Variants in OLFML3 observed in about 807,000 individuals in gnomAD.
OLFML3 encodes olfactomedin like 3.
A neutral mutation model predicts 36.0 loss-of-function variants in OLFML3; 26 were observed. The ratio of observed to expected loss-of-function variants is 0.72; its 90% CI spans 0.53 to 1.00. The LOEUF (loss-of-function observed/expected upper bound fraction) is 1.00. OLFML3 is among the 50% of genes least tolerant of loss of function. OLFML3 has a pLI of 0.00. For synonymous variants in OLFML3, 184 were observed against 201.2 expected (o/e 0.91, Z 0.72); for missense variants, 503 against 519.4 (o/e 0.97, Z 0.31).
In OLFML3 at chr1:113,981,768, G is replaced by A. The variant is rs1181122561; in HGVS notation, c.1220G>A (p.Ter407=). The change falls in exon 3 of 3, where the codon TGA becomes TAA. Residue 407 remains the stop codon, a stop_retained_variant. Transcript: ENST00000320334. ...ATGAGGAAGAAAGAGGAGGAGGTTT[G>A]AGGAGCTAGCCTTGTTTTTTGCATC... ...LEMRKKEEEV[*] is the part of the protein sequence containing the mutation. The A allele has an allele frequency of 1.2e-6, 2 of 1,611,702 alleles. No individual in the cohort carries two copies. The highest frequency in any genetic ancestry group is 2.2e-5 in the East Asian group (1 of 44,800).
Position 113,981,149 on chromosome 1 carries a change from G to A in OLFML3, c.601G>A (p.Val201Ile). ...CATGGCTGCCCGGAAAGCTTCCCGA[G>A]TCCGGGTGCCCTTCCCCTGGGTAGG... ...LAMAARKASRVRVPFPWVGTG... is the reference protein window; with the variant it reads ...LAMAARKASRIRVPFPWVGTG... Residue 201 changes from valine to isoleucine, a missense_variant, in exon 3 of 3, where the codon GTC becomes ATC. Val to Ile is a conservative substitution (Grantham distance 29). Coordinates refer to ENST00000320334, the MANE Select transcript of OLFML3 (RefSeq NM_020190.5). The A allele has an allele frequency of 1.9e-6, 3 of 1,614,232 alleles. No homozygotes were observed. The highest frequency in any genetic ancestry group is 2.5e-6 in the Non-Finnish European group (3 of 1,180,030).
rs1461282849 is a variant in OLFML3 at position 113,981,660 on chromosome 1, C to A, written c.1112C>A (p.Ala371Asp). Reference sequence around the variant, plus strand: ...CCTTATTTTCCCCGCAGATATGGTGCCCATGCCAGCCTCCGCTATAACCCC... The same window carrying A: ...CCTTATTTTCCCCGCAGATATGGTGACCATGCCAGCCTCCGCTATAACCCC... ...ALPYFPRRYG[A>D]HASLRYNPRE... Residue 371 changes from alanine (A) to aspartate (D), a missense_variant, in exon 3 of 3, where the codon GCC becomes GAC. Transcript: ENST00000320334. 6.8e-6 allele frequency: 11 copies of A among 1,614,076 alleles called. No homozygotes were observed. Among genetic ancestry groups the A allele is most frequent in the Non-Finnish European group, 9.3e-6 (11 of 1,180,010 alleles).
chr1:113,980,418 G>C lies in OLFML3; in HGVS notation c.201G>C (p.Glu67Asp). ...DFKNKMLPLL[E>D]VAEKEREALR... ...AGAACAAGATGCTGCCACTGCTGGAGGTGGCAGAGAAGGAGCGGGAGGCAC... is the reference window on the plus strand; with the variant it reads ...AGAACAAGATGCTGCCACTGCTGGACGTGGCAGAGAAGGAGCGGGAGGCAC... The change falls in exon 2 of 3, where the codon GAG (glutamate) becomes GAC (aspartate). Residue 67 changes from glutamate (E) to aspartate (D), a missense_variant. By Grantham distance (45) the Glu-to-Asp change is conservative. Transcript: ENST00000320334. The C allele has an allele frequency of 9.3e-6, 15 of 1,612,790 alleles. No individual in the cohort carries two copies. Among genetic ancestry groups the C allele is most frequent in the Non-Finnish European group, 1.3e-5 (15 of 1,179,312 alleles).
At position 113,981,408 on chromosome 1, in the gene OLFML3, A is replaced by G. The variant is rs199908356; in HGVS notation, c.860A>G (p.Tyr287Cys). The change falls in exon 3 of 3, where the codon TAT becomes TGT. Residue 287 changes from tyrosine to cysteine, a missense_variant. Transcript: ENST00000320334. ...GATGAGGAAGGTCTTTGGGCTGTCT[A>G]TGCCACCCGGGAGGATGACAGGCAC... ...AADEEGLWAV[Y>C]ATREDDRHLC... is the part of the protein sequence containing the mutation. 3.0e-5 allele frequency: 48 copies of G among 1,612,256 alleles called. No individual in the cohort carries two copies. The highest frequency in any genetic ancestry group is 1.6e-4 in the Middle Eastern group (1 of 6,082).
In OLFML3 at chr1:113,981,701, T is replaced by C. The variant is rs1235006876; in HGVS notation, c.1153T>C (p.Tyr385His). The C allele has an allele frequency of 8.7e-6, 14 of 1,614,044 alleles. No individual in the cohort carries two copies. The highest frequency in any genetic ancestry group is 1.2e-5 in the Non-Finnish European group (14 of 1,179,998). The stretch of plus-strand genomic sequence containing the variant: ...CTATAACCCCCGAGAACGCCAGCTC[T>C]ATGCCTGGGATGATGGCTACCAGAT... ...LRYNPRERQLYAWDDGYQIVY... is the reference protein window; with the variant it reads ...LRYNPRERQLHAWDDGYQIVY... The change falls in exon 3 of 3, where the codon TAT (tyrosine) becomes CAT (histidine). Residue 385 changes from tyrosine (Y) to histidine (H), a missense_variant. By Grantham distance (83) the Tyr-to-His change is moderately conservative (BLOSUM62 2). Transcript: ENST00000320334.
At chr1:113,979,853 A>G in intron 1 of OLFML3, 1 of 1,118,968 alleles carries the variant, frequency 8.9e-7, no homozygotes, top group Non-Finnish European at 1.2e-6. Flanking sequence ...GGGATTAGAT[A>G]GAATAAGGGG....
Position 113,981,817 on chromosome 1 carries a change from T to A in OLFML3, c.*48T>A. The A allele has an allele frequency of 6.8e-7, 1 of 1,480,312 alleles. No individual in the cohort carries two copies. 91.7% of individuals were successfully genotyped at this position (1,480,312 alleles called of 1,614,324 possible). A position where few individuals can be genotyped will look rare whatever the true frequency, so the allele number is the denominator to read the frequency against. ...TCTTTCTCACTCCCATACATTTATA[T>A]TATATCCCCACTAAATTTCTTGTTC... On this transcript the variant is annotated 3_prime_UTR_variant, in exon 3 of 3. Transcript: ENST00000320334.
Position 113,981,620 on chromosome 1 carries a change from G to C in OLFML3, c.1072G>C (p.Glu358Gln), listed in dbSNP as rs768092886. The change falls in exon 3 of 3, where the codon GAA (glutamate) becomes CAA (glutamine). Residue 358 changes from glutamate (E) to glutamine (Q), a missense_variant. By Grantham distance (29) the Glu-to-Gln change is conservative (BLOSUM62 2). Transcript: ENST00000320334. ...SFDASGTLTPERAALPYFPRR... is the reference protein window; with the variant it reads ...SFDASGTLTPQRAALPYFPRR... ...TGATGCCAGCGGCACCCTGACCCCTGAACGGGCAGCACTCCCTTATTTTCC... is the reference window on the plus strand; with the variant it reads ...TGATGCCAGCGGCACCCTGACCCCTCAACGGGCAGCACTCCCTTATTTTCC... 7 of 1,614,062 alleles carry C rather than the reference G, an allele frequency of 4.3e-6. No individual in the cohort carries two copies. The highest frequency in any genetic ancestry group is 5.1e-6 in the Non-Finnish European group (6 of 1,180,012).
intron 2 of OLFML3, 159 bp downstream of exon 2, chr1:113,980,776 G>A: frequency 9.7e-7 from 1 of 1,033,082 alleles, no homozygotes; most frequent in Non-Finnish European, 1.4e-6. Context: ...ATTAAGGAGA[G>A]GTTCTGGGGA....
chr1:113,980,469 C>G lies in OLFML3; in HGVS notation c.252C>G (p.Ser84=). ...EALRTEADTI[S]GRVDRLEREV... ...TCAGAACTGAGGCCGACACCATCTC[C>G]GGGAGAGTGGATCGTCTGGAGCGGG... Residue 84 remains serine, a synonymous_variant, in exon 2 of 3, where the codon TCC becomes TCG. Coordinates refer to ENST00000320334, the MANE Select transcript of OLFML3 (RefSeq NM_020190.5). 6.2e-7 allele frequency: 1 copy of G among 1,613,980 alleles called. No homozygotes were observed. The highest frequency in any genetic ancestry group is 1.7e-4 in the Middle Eastern group (1 of 6,060).
rs749036273 is a variant in OLFML3, at chr1:113,980,933, G to T, written c.401-16G>T. On this transcript the variant is annotated splice_polypyrimidine_tract_variant and intron_variant, in intron 2 of 2. Transcript: ENST00000320334. ...ATTCTTGCCTCTATTTCCTTTTCCT[G>T]TGCTTTTCTCATCAGACTGTGGCTA... The T allele has an allele frequency of 6.6e-7, 1 of 1,511,770 alleles. No homozygotes were observed. The highest frequency in any genetic ancestry group is 8.8e-7 in the Non-Finnish European group (1 of 1,130,640). The allele number at this position is 1,511,770 out of a possible 1,614,324, so 93.6% of individuals were successfully genotyped here.
At position 113,979,597 on chromosome 1, in the gene OLFML3, G is replaced by A; in HGVS notation, c.81G>A (p.Val27=). Residue 27 remains valine (V), a synonymous_variant, in exon 1 of 3, where the codon GTG becomes GTA. Coordinates refer to ENST00000320334, the MANE Select transcript of OLFML3 (RefSeq NM_020190.5). ...TCCAAGGACAGCAGCACCACCTTGT[G>A]GAGTACATGGAACGCCGACTAGCTG... ...GPLQGQQHHL[V]EYMERRLAAL... The A allele has an allele frequency of 6.2e-7, 1 of 1,613,996 alleles. No homozygotes were observed. Among genetic ancestry groups the A allele is most frequent in the Non-Finnish European group, 8.5e-7 (1 of 1,179,862 alleles).
chr1:113,980,598 G>A lies in OLFML3; in HGVS notation c.381G>A (p.Glu127=). The A allele has an allele frequency of 6.2e-7, 1 of 1,604,542 alleles. No individual in the cohort carries two copies. The highest frequency in any genetic ancestry group is 1.1e-5 in the South Asian group (1 of 89,758). The stretch of plus-strand genomic sequence containing the variant: ...CCAAAGGCAAGGGAAGAAGGAATGA[G>A]AAGTACGATATGGTGACAGGTAAAT... ...PGTKGKGRRN[E]KYDMVTDCGY... The change falls in exon 2 of 3, where the codon GAG becomes GAA. Residue 127 remains glutamate, a synonymous_variant. Transcript: ENST00000320334.
intron 1 of OLFML3, chr1:113,980,117 T>C (rs1037309187): frequency 8.4e-6 from 13 of 1,550,006 alleles, no homozygotes; most frequent in Non-Finnish European, 1.1e-5. Flanking sequence ...CTGGAGGACA[T>C]GGAGTCGGGG....
Position 113,980,513 on chromosome 1 carries a change from C to T in OLFML3, c.296C>T (p.Thr99Ile), listed in dbSNP as rs372045080. 13 of 1,613,990 alleles carry T rather than the reference C, an allele frequency of 8.1e-6. No individual in the cohort carries two copies. Among genetic ancestry groups the T allele is most frequent in the Admixed American group, 5.0e-5 (3 of 59,990 alleles). The change falls in exon 2 of 3, where the codon ACC becomes ATC. Residue 99 changes from threonine to isoleucine, a missense_variant. Physicochemically the swap from Thr to Ile is moderately conservative, Grantham distance 89. Transcript: ENST00000320334. The stretch of plus-strand genomic sequence containing the variant: ...GAGCGGGAGGTAGACTATCTGGAGA[C>T]CCAGAACCCAGCTCTGCCCTGTGTA... The part of the protein sequence containing the change: ...RLEREVDYLE[T>I]QNPALPCVEF...
Position 113,980,351 on chromosome 1 carries a change from A to C in OLFML3, c.134A>C (p.Gln45Pro), listed in dbSNP as rs1309356772. ...AALEERLAQC[Q>P]DQSSRHAAEL... ...CTTCAGGAACGGCTGGCCCAGTGCC[A>C]GGACCAGAGTAGTCGGCATGCTGCT... The change falls in exon 2 of 3, where the codon CAG (glutamine) becomes CCG (proline). Residue 45 changes from glutamine (Q) to proline (P), a missense_variant. Gln to Pro is a moderately conservative substitution (Grantham distance 76, BLOSUM62 -1). Coordinates refer to ENST00000320334, the MANE Select transcript of OLFML3 (RefSeq NM_020190.5). The C allele has an allele frequency of 5.8e-6, 9 of 1,563,858 alleles. No homozygotes were observed. Among genetic ancestry groups the C allele is most frequent in the Non-Finnish European group, 7.8e-6 (9 of 1,154,460 alleles).
chr1:113,981,188 G>T lies in OLFML3; in HGVS notation c.640G>T (p.Val214Leu). The T allele has an allele frequency of 3.1e-6, 5 of 1,614,234 alleles. No individual in the cohort carries two copies. In the Admixed American group the frequency reaches 8.3e-5, roughly 27 times the overall value. ...PFPWVGTGQL[V>L]YGGFLYFARR... ...CCCCTGGGTAGGCACAGGGCAGCTG[G>T]TATATGGTGGCTTTCTTTATTTTGC... The change falls in exon 3 of 3, where the codon GTA (valine) becomes TTA (leucine). Residue 214 changes from valine (V) to leucine (L), a missense_variant. By Grantham distance (32) the Val-to-Leu change is conservative. Coordinates refer to ENST00000320334, the MANE Select transcript of OLFML3 (RefSeq NM_020190.5).
intron 2 of OLFML3, 150 bp from the exon 3 acceptor site, chr1:113,980,798 GT>G: frequency 1.0e-6 from 1 of 994,648 alleles, no homozygotes; most frequent in Non-Finnish European, 1.4e-6. Flanking sequence ...CCAGGCCGCT[GT>G]GGTACCCGCT....
In OLFML3 at chr1:113,981,695, C is replaced by T. The variant is rs1442416472; in HGVS notation, c.1147C>T (p.Gln383Ter). The change falls in exon 3 of 3, where the codon CAG becomes TAG. Residue 383 changes from glutamine to a stop codon, truncating the protein, a stop_gained. Transcript: ENST00000320334. LOFTEE classifies it high-confidence loss of function. ...CCTCCGCTATAACCCCCGAGAACGC[C>T]AGCTCTATGCCTGGGATGATGGCTA... ...ASLRYNPRER[Q>*]LYAWDDGYQI... 6.2e-7 allele frequency: 1 copy of T among 1,614,026 alleles called. No individual in the cohort carries two copies.
Sources: allele counts gnomAD v4.1 joint callset, GRCh38; gene constraint gnomAD v4.1.1; transcripts MANE v1.5; gene names NCBI Gene and HGNC (gene_info 2026-07-23, HGNC 2026-07-21).